The following SCIN variants were observed in gnomAD, a reference collection of about 807,000 sequenced individuals.
The protein encoded by SCIN is scinderin.
Under a neutral mutation model 91.8 loss-of-function variants are expected in SCIN, and 91 were observed. The observed-to-expected ratio is 0.99, with a 90% confidence interval of 0.84 to 1.18. The LOEUF (loss-of-function observed/expected upper bound fraction) is 1.18, where lower values mean the gene tolerates loss of function less well. SCIN is among the 50% of genes most tolerant of loss of function. SCIN has a pLI of 0.00. For missense variants in SCIN, 1,087 were observed against 863.9 expected (o/e 1.26, Z -3.24); for synonymous variants, 367 against 312.6 (o/e 1.17, Z -1.84).
At chr7:12,620,183 C>T (rs1239376956) in intron 4 of SCIN, among the ~76,000 whole-genome samples, 1 of 151,982 alleles carries the variant, frequency 6.6e-6, no homozygotes, top group African/African-American at 2.4e-5. Context: ...TAACATCTGT[C>T]AACTCACATT....
intron 3 of SCIN, among the ~76,000 whole-genome samples, chr7:12,588,599 T>G (rs547336595): frequency 6.6e-6 from 1 of 152,004 alleles, no homozygotes; most frequent in South Asian, 2.1e-4. Flanking sequence ...GGTTGTTTGT[T>G]GGTTAACCTT....
At chr7:12,624,861 C>A (rs1004750916) in intron 5 of SCIN, 149 bp from the exon 6 acceptor site, 1 of 601,290 alleles carries the variant, frequency 1.7e-6, no homozygotes, top group Non-Finnish European at 2.6e-6. Flanking sequence ...ATAATTTATA[C>A]ACCATAAAAT....
chr7:12,638,988 A>G (rs1359531805), intron 10 of SCIN, among the ~76,000 whole-genome samples: 2 of 152,196 alleles, frequency 1.3e-5, no homozygotes, highest in African/African-American at 4.8e-5. Context: ...GTTACCATGA[A>G]TTGTTAGCCG....
At chr7:12,593,808 C>G (rs896976263) in intron 3 of SCIN, among the ~76,000 whole-genome samples, 1 of 152,120 alleles carries the variant, frequency 6.6e-6, no homozygotes, top group Admixed American at 6.5e-5. Context: ...GCAGCTCCTA[C>G]GGGCTTAGTA....
intron 10 of SCIN, 71 bp downstream of exon 10, chr7:12,636,206 C>T: frequency 9.4e-7 from 1 of 1,065,838 alleles, no homozygotes; most frequent in Non-Finnish European, 1.4e-6. Flanking sequence ...GCTATAGCTC[C>T]CTCCCAAGTT....
chr7:12,572,382 T>A (rs1222847784), intron 1 of SCIN, among the ~76,000 whole-genome samples: 2 of 152,206 alleles, frequency 1.3e-5, no homozygotes, highest in Non-Finnish European at 2.9e-5. Flanking sequence ...CTGAAACTTT[T>A]ATAACCCATG....
chr7:12,575,639 A>G (rs774117371), intron 1 of SCIN, among the ~76,000 whole-genome samples: 9 of 152,172 alleles, frequency 5.9e-5, no homozygotes, highest in Non-Finnish European at 8.8e-5. Flanking sequence ...ATAGAAATTC[A>G]TAGGATGTAC....
chr7:12,585,555 A>C (rs1159282736), intron 3 of SCIN, among the ~76,000 whole-genome samples: 1 of 152,144 alleles, frequency 6.6e-6, no homozygotes, highest in Non-Finnish European at 1.5e-5. Context: ...TATGTGTGTC[A>C]TAAGAACCTC....
chr7:12,626,519 C>A, intron 7 of SCIN, 65 bp from the exon 8 acceptor site: 1 of 1,226,032 alleles, frequency 8.2e-7, no homozygotes, highest in Non-Finnish European at 1.1e-6. Context: ...TCTCCACTGC[C>A]AGATTCATAT....
At chr7:12,618,070 C>G (rs1258423212) in intron 4 of SCIN, among the ~76,000 whole-genome samples, 1 of 152,134 alleles carries the variant, frequency 6.6e-6, no homozygotes, top group Non-Finnish European at 1.5e-5. Context: ...ATGCTGAAGT[C>G]CAGTCCTGCC....
At chr7:12,586,095 C>T in intron 3 of SCIN, among the ~76,000 whole-genome samples, 1 of 152,166 alleles carries the variant, frequency 6.6e-6, no homozygotes, top group East Asian at 1.9e-4. Context: ...TCCTCACTCA[C>T]TGTGTTTCTA....
In SCIN at chr7:12,659,199, A is replaced by C. The variant is rs1345961241; in HGVS notation, c.*6484A>C. On this transcript the variant is annotated 3_prime_UTR_variant, in exon 16 of 16. Transcript: ENST00000297029. ...TCTTGAACTCCTGAACTTGTGATCCACCCTCCTCTGCCTTCCAAAGTGCTG... is the reference window on the plus strand; with the variant it reads ...TCTTGAACTCCTGAACTTGTGATCCCCCCTCCTCTGCCTTCCAAAGTGCTG... 1 of 151,722 alleles carries C rather than the reference A, an allele frequency of 6.6e-6. No individual in the cohort carries two copies. The highest frequency in any genetic ancestry group is 1.5e-5 in the Non-Finnish European group (1 of 67,948). The allele number at this position is 151,722 out of a possible 1,614,324, so 9.4% of individuals were successfully genotyped here. A position where few individuals can be genotyped will look rare whatever the true frequency, so the allele number is the denominator to read the frequency against.
At position 12,581,024 on chromosome 7, in the gene SCIN, T is replaced by C. The variant is rs184982926; in HGVS notation, c.355-36T>C. The stretch of plus-strand genomic sequence containing the variant: ...GGCAGACACCTCATCAGTTTTCTCT[T>C]TGTTTTTTGTGTGTCTGTCTTCCCT... On this transcript the variant is annotated intron_variant, in intron 2 of 15. Coordinates refer to ENST00000297029, the MANE Select transcript of SCIN (RefSeq NM_001112706.3). 4.6e-3 allele frequency: 7,166 copies of C among 1,542,692 alleles called. 25 individuals carry two copies. The highest frequency in any genetic ancestry group is 5.4e-3 in the Non-Finnish European group (6,134 of 1,141,498).
At chr7:12,587,804 T>C (rs1782621014) in intron 3 of SCIN, among the ~76,000 whole-genome samples, 1 of 152,158 alleles carries the variant, frequency 6.6e-6, no homozygotes. Context: ...TTCCTACTTT[T>C]TTCAGTCTTC....
At chr7:12,638,436 C>T (rs1407389361) in intron 10 of SCIN, among the ~76,000 whole-genome samples, 1 of 152,166 alleles carries the variant, frequency 6.6e-6, no homozygotes, top group Non-Finnish European at 1.5e-5. Context: ...AAACTGAAAG[C>T]AGGTGCTTAC....
chr7:12,604,607 G>A lies in SCIN; in HGVS notation c.610G>A (p.Gly204Arg). Residue 204 changes from glycine (G) to arginine (R), a missense_variant, in exon 4 of 16, where the codon GGA becomes AGA. Coordinates refer to ENST00000297029, the MANE Select transcript of SCIN (RefSeq NM_001112706.3). ...ATGIRYNERK[G>R]RSELIVVEEG... ...TGGCATTCGGTACAATGAAAGGAAA[G>A]GAAGGTCTGAACTAATTGTCGTGGA... 1.9e-6 allele frequency: 3 copies of A among 1,552,166 alleles called. No homozygotes were observed. Among genetic ancestry groups the A allele is most frequent in the Non-Finnish European group, 2.6e-6 (3 of 1,147,098 alleles).
chr7:12,627,088 G>A (rs1381800394), intron 8 of SCIN, among the ~76,000 whole-genome samples: 1 of 102,886 alleles, frequency 9.7e-6, no homozygotes, highest in African/African-American at 3.6e-5. Flanking sequence ...AGAAATGTGT[G>A]TATACACACA....
chr7:12,577,671 TG>T, intron 1 of SCIN: 1 of 438,070 alleles, frequency 2.3e-6, no homozygotes, highest in Non-Finnish European at 4.5e-6. Context: ...GGGCAACATA[TG>T]GAGACCTTTT....
Position 12,652,828 on chromosome 7 carries a change from G to A in SCIN, c.*113G>A, listed in dbSNP as rs573124992. On this transcript the variant is annotated 3_prime_UTR_variant, in exon 16 of 16. Coordinates refer to ENST00000297029, the MANE Select transcript of SCIN (RefSeq NM_001112706.3). ...TTTGTCTTTTGAAAATTAAGGCTGG[G>A]CGCGGTGGCTCACACCTGTAATCCC... The A allele has an allele frequency of 7.1e-4, 960 of 1,358,538 alleles. 1 individual carries two copies. The highest frequency in any genetic ancestry group is 8.8e-4 in the Non-Finnish European group (884 of 999,130). 84.2% of individuals were successfully genotyped at this position (1,358,538 alleles called of 1,614,324 possible).
Sources: gnomAD v4.1 joint callset for allele counts (sites outside exome capture counted in the v4.1 genomes callset) on GRCh38, gnomAD v4.1.1 for gene constraint, MANE v1.5 for transcripts, NCBI Gene and HGNC (gene_info 2026-07-23, HGNC 2026-07-21) for gene names.